Variants in RBM26 observed in about 807,000 individuals in gnomAD.
The protein encoded by RBM26 is RNA binding motif protein 26, also known as RNA-binding protein 26.
In RBM26, 30 loss-of-function variants were observed where a neutral mutation model predicts 123.6. That is an observed-to-expected ratio of 0.24 (90% CI 0.18 to 0.33). The LOEUF is 0.33. Ranked by LOEUF, RBM26 falls within the 10% of genes least tolerant of loss-of-function variation. RBM26 has a pLI of 1.00. For missense variants in RBM26, 947 were observed against 1,203.6 expected, an observed-to-expected ratio of 0.79 and a Z score of 3.15; for synonymous variants, 400 against 404.4, an observed-to-expected ratio of 0.99 and a Z score of 0.13.
intron 2 of RBM26, 65 bp downstream of exon 2, chr13:79,378,724 G>A: frequency 3.1e-6 from 3 of 981,206 alleles, no homozygotes; most frequent in Non-Finnish European, 4.6e-6. Flanking sequence ...ACAGGCGTGA[G>A]CCACCATGCC....
At chr13:79,318,201 T>C (rs1045058927), downstream of RBM26, among the ~76,000 whole-genome samples, 5 of 150,498 alleles carry the variant, frequency 3.3e-5, no homozygotes, top group African/African-American at 9.7e-5. Context: ...ATAAACACAA[T>C]CTCATGTTCC....
chr13:79,372,695 G>A (rs112439153), intron 3 of RBM26, among the ~76,000 whole-genome samples: 20,242 of 141,826 alleles, frequency 0.14, 3,594 homozygotes, highest in African/African-American at 0.43. Flanking sequence ...ACATATACAT[G>A]TTTATATATA....
chr13:79,320,145 A>C lies in RBM26; in HGVS notation c.*476T>G. On this transcript the variant is annotated 3_prime_UTR_variant, in exon 22 of 22. Transcript: ENST00000438737. Reference sequence around the variant, plus strand: ...AAAGGCTAATACATAGTAAAGCCTAAGCATACTACTATGTAATATTATAAT... The same window carrying C: ...AAAGGCTAATACATAGTAAAGCCTACGCATACTACTATGTAATATTATAAT... The C allele has an allele frequency of 2.1e-6, 2 of 955,742 alleles. No individual in the cohort carries two copies. The highest frequency in any genetic ancestry group is 2.5e-6 in the Non-Finnish European group (2 of 802,862). The allele number at this position is 955,742 out of a possible 1,614,324, so 59.2% of individuals were successfully genotyped here. A position where few individuals can be genotyped will look rare whatever the true frequency, so the allele number is the denominator to read the frequency against.
At chr13:79,322,570 G>GAT in intron 20 of RBM26, 108 bp from the exon 21 acceptor site, 1 of 613,050 alleles carries the variant, frequency 1.6e-6, no homozygotes, top group South Asian at 2.5e-5. Context: ...GACAACTGAA[G>GAT]ATGGCTATCT....
chr13:79,330,550 AC>A (rs1363391218), intron 20 of RBM26, among the ~76,000 whole-genome samples: 3 of 152,130 alleles, frequency 2.0e-5, no homozygotes, highest in African/African-American at 7.2e-5. Context: ...TACAGAGAAA[AC>A]TGACTTGAAA....
chr13:79,380,280 T>A (rs1594570159), intron 1 of RBM26, among the ~76,000 whole-genome samples: 1 of 152,228 alleles, frequency 6.6e-6, no homozygotes, highest in South Asian at 2.1e-4. Context: ...AGACAGGTAA[T>A]GAAGTTTTCA....
intron 12 of RBM26, among the ~76,000 whole-genome samples, chr13:79,354,860 T>G (rs948972303): frequency 1.2e-4 from 18 of 152,072 alleles, no homozygotes; most frequent in Non-Finnish European, 1.5e-4. Flanking sequence ...TACACACCGA[T>G]GGGGGTTGGG....
chr13:79,312,985 G>A (rs1448927113), exon 5 of RBM26: 1 of 151,710 alleles, frequency 6.6e-6, no homozygotes, highest in Admixed American at 6.6e-5. Context: ...CAGTTGATCT[G>A]TATTTTGAGC....
chr13:79,359,408 A>C (rs2074402850), intron 10 of RBM26, among the ~76,000 whole-genome samples, 167 bp downstream of exon 10: 1 of 152,152 alleles, frequency 6.6e-6, no homozygotes, highest in Non-Finnish European at 1.5e-5. Context: ...TGCTTTTCTA[A>C]CATCAGACAA....
chr13:79,388,706 G>A (rs1029834605), intron 1 of RBM26, among the ~76,000 whole-genome samples: 10 of 152,112 alleles, frequency 6.6e-5, no homozygotes, highest in Non-Finnish European at 1.3e-4. Context: ...TTTAGAGACT[G>A]GTAACTGCAA....
chr13:79,331,757 G>A (rs73562535), intron 20 of RBM26, among the ~76,000 whole-genome samples: 3,531 of 152,228 alleles, frequency 0.023, 141 homozygotes, highest in African/African-American at 0.08. Flanking sequence ...CTCCTACAAA[G>A]GTACAGTAAC....
chr13:79,401,611 A>G (rs1345654085), intron 1 of RBM26, among the ~76,000 whole-genome samples: 1 of 152,230 alleles, frequency 6.6e-6, no homozygotes, highest in Non-Finnish European at 1.5e-5. Context: ...AGTGTTGGTG[A>G]TAATTCTAAC....
intron 9 of RBM26, among the ~76,000 whole-genome samples, chr13:79,363,408 C>T (rs2074927863): frequency 6.6e-6 from 1 of 151,822 alleles, no homozygotes; most frequent in African/African-American, 2.4e-5. Context: ...AGGGAGAGGA[C>T]TAAAAAGAGA....
chr13:79,404,708 T>C (rs926391272), intron 1 of RBM26, among the ~76,000 whole-genome samples: 6 of 152,200 alleles, frequency 3.9e-5, no homozygotes, highest in Non-Finnish European at 8.8e-5. Flanking sequence ...CCCTTCTCTT[T>C]AGATGTTACT....
rs1432277201 is a variant in RBM26, at chr13:79,372,951, CAT to C, written c.328-1023_328-1022del. On this transcript the variant is annotated intron_variant, in intron 3 of 21. Transcript: ENST00000438737. ...TATATAAGATATATCTTATATATTA[CAT>C]ATTTTATATAATATATAAGATATAT... 1.1e-3 allele frequency among the ~76,000 whole-genome samples: 34 copies of C among 29,746 alleles called. 6 individuals are homozygous for C. The highest frequency in any genetic ancestry group is 2.1e-3 in the Admixed American group (3 of 1,426). The allele number at this position is 29,746 out of a possible 152,430, so 19.5% of individuals were successfully genotyped here. A position where few individuals can be genotyped will look rare whatever the true frequency, so the allele number is the denominator to read the frequency against.
At chr13:79,353,428 T>A (rs532686762) in intron 13 of RBM26, among the ~76,000 whole-genome samples, 175 of 152,196 alleles carry the variant, frequency 1.1e-3, no homozygotes, top group Admixed American at 2.2e-3. Flanking sequence ...TATTCAATCA[T>A]GAAAAATGAT....
At chr13:79,317,919 A>G (rs184547636), downstream of RBM26, among the ~76,000 whole-genome samples, 57 of 151,844 alleles carry the variant, frequency 3.8e-4, no homozygotes, top group South Asian at 8.3e-3. Context: ...TTCATCCAAC[A>G]AACATTTGAG....
chr13:79,339,240 G>A (rs1269826307), intron 18 of RBM26, among the ~76,000 whole-genome samples: 1 of 152,192 alleles, frequency 6.6e-6, no homozygotes, highest in African/African-American at 2.4e-5. Flanking sequence ...CAGCAGAATG[G>A]TGGTTACCAG....
Position 79,366,070 on chromosome 13 carries a change from A to C in RBM26, c.1261T>G (p.Ser421Ala), listed in dbSNP as rs748871610. ...AAAACTGCACCTGCAGTAAAAAGAG[A>C]GGGTGGAGCAGGAGGAGGCTGGTGA... ...IHHQPPPAPP[S>A]LFTADTYDTD... is the part of the protein sequence containing the mutation. The change falls in exon 8 of 22, where the codon TCT (serine) becomes GCT (alanine). Residue 421 changes from serine (S) to alanine (A), a missense_variant. Ser to Ala is a moderately conservative substitution (Grantham distance 99). Around this residue, in one of 5 missense-constraint regions of RBM26, gnomAD observed 493 missense variants for 563.1 expected, o/e 0.88. Coordinates refer to ENST00000438737, the MANE Select transcript of RBM26 (RefSeq NM_001366735.2). 8.7e-6 allele frequency: 14 copies of C among 1,613,632 alleles called. No homozygotes were observed. The South Asian group carries it at 1.2e-4, about 14-fold the overall frequency.
Sources: allele counts gnomAD v4.1 joint callset (sites outside exome capture counted in the v4.1 genomes callset), GRCh38; gene constraint gnomAD v4.1.1; regional missense constraint gnomAD v4.1.1; transcripts MANE v1.5; gene names NCBI Gene and HGNC (gene_info 2026-07-23, HGNC 2026-07-21).